The following RPH3A variants were observed in gnomAD, a reference collection of about 807,000 sequenced individuals.
The protein encoded by RPH3A is rabphilin 3A.
A neutral mutation model predicts 102.2 loss-of-function variants in RPH3A; 48 were observed. The observed-to-expected ratio is 0.47, with a 90% CI of 0.37 to 0.60. The LOEUF (loss-of-function observed/expected upper bound fraction) is 0.60. RPH3A is among the 20% of genes least tolerant of loss of function. The probability of loss-of-function intolerance (pLI) is 0.00; values close to 1 mark genes in which losing one functional copy is unlikely to be tolerated. For synonymous variants in RPH3A, 310 were observed against 324.3 expected, an observed-to-expected ratio of 0.96 and a Z score of 0.47; for missense variants, 781 against 910.1, an observed-to-expected ratio of 0.86 and a Z score of 1.83.
rs75023567 is a variant in RPH3A at position 112,853,079 on chromosome 12, C to T, written c.230+5237C>T. 1.8e-4 allele frequency among the ~76,000 whole-genome samples: 28 copies of T among 152,352 alleles called. No individual in the cohort carries two copies. In the East Asian group the frequency reaches 3.3e-3, roughly 18 times the overall value. The stretch of plus-strand genomic sequence containing the variant: ...ACAGGATCTGTCACACCCCTATCAC[C>T]TTCCCATCTTGATTCCACCTTCCCC... On this transcript the variant is annotated intron_variant, in intron 5 of 21. Coordinates refer to ENST00000389385, the MANE Select transcript of RPH3A (RefSeq NM_001143854.2).
At chr12:112,738,018 C>T (rs1306978872) in intron 1 of RPH3A, among the ~76,000 whole-genome samples, 1 of 152,206 alleles carries the variant, frequency 6.6e-6, no homozygotes, top group African/African-American at 2.4e-5. Flanking sequence ...TGTGCTCCCT[C>T]TGAGACTTTG....
chr12:112,721,620 C>A (rs1592962708), intron 1 of RPH3A, among the ~76,000 whole-genome samples: 1 of 149,360 alleles, frequency 6.7e-6, no homozygotes, highest in East Asian at 1.9e-4. Flanking sequence ...TATTATAGAG[C>A]AGTAAGATTA....
intron 16 of RPH3A, among the ~76,000 whole-genome samples, chr12:112,885,410 G>A (rs541187425): frequency 9.9e-5 from 15 of 152,144 alleles, no homozygotes; most frequent in East Asian, 3.8e-4. Context: ...CTGGTGTTGC[G>A]TTGTGGTTCC....
chr12:112,866,304 T>C (rs191700814), intron 6 of RPH3A, among the ~76,000 whole-genome samples: 6 of 152,132 alleles, frequency 3.9e-5, no homozygotes, highest in African/African-American at 7.2e-5. Context: ...GGAAATTCAA[T>C]AAAAAATACA....
At chr12:112,762,364 G>C (rs1171873430) in intron 1 of RPH3A, among the ~76,000 whole-genome samples, 3 of 152,088 alleles carry the variant, frequency 2.0e-5, no homozygotes, top group Non-Finnish European at 2.9e-5. Context: ...GGGATCTTTA[G>C]GTTCACATTG....
chr12:112,765,666 A>G (rs111300176), intron 1 of RPH3A, among the ~76,000 whole-genome samples: 138 of 152,348 alleles, frequency 9.1e-4, no homozygotes, highest in African/African-American at 3.2e-3. Context: ...TGTTCAATGT[A>G]CTGCTTCATG....
chr12:112,713,006 TCTTCCTCTTCCTCTTCC>T lies in RPH3A; in HGVS notation c.-139-79136_-139-79120del, dbSNP rs879356979. 7.6e-3 allele frequency among the ~76,000 whole-genome samples: 577 copies of T among 75,616 alleles called. 24 individuals carry two copies. The highest frequency in any genetic ancestry group is 8.5e-3 in the African/African-American group (144 of 16,946). 49.6% of individuals were successfully genotyped at this position (75,616 alleles called of 152,430 possible). ...TTCGTCGTCTTTGTCTTCCTCTTCC[TCTTCCTCTTCCTCTTCC>T]TCTTCTTCTTCTTCTTCTTCTTCTT... On this transcript the variant is annotated intron_variant, in intron 1 of 21. Transcript: ENST00000543106.
intron 1 of RPH3A, among the ~76,000 whole-genome samples, chr12:112,769,312 T>C (rs1316339032): frequency 1.3e-5 from 2 of 152,216 alleles, no homozygotes; most frequent in African/African-American, 4.8e-5. Context: ...GTTTTTCTTG[T>C]GGTGTAATTA....
At chr12:112,825,613 C>G (rs973164122) in intron 2 of RPH3A, among the ~76,000 whole-genome samples, 2 of 152,176 alleles carry the variant, frequency 1.3e-5, no homozygotes, top group African/African-American at 4.8e-5. Context: ...CTGAGTTGAG[C>G]CGCACTGACA....
chr12:112,876,091 G>A (rs1211788226), intron 12 of RPH3A, among the ~76,000 whole-genome samples: 1 of 152,230 alleles, frequency 6.6e-6, no homozygotes, highest in Non-Finnish European at 1.5e-5. Context: ...TTGTTGGGAG[G>A]ATTAAACAAA....
intron 10 of RPH3A, among the ~76,000 whole-genome samples, chr12:112,870,610 C>G (rs1052446117): frequency 3.3e-5 from 5 of 152,110 alleles, no homozygotes; most frequent in African/African-American, 1.2e-4. Flanking sequence ...TTCCATGGCC[C>G]CTTGTCTGAG....
chr12:112,613,000 A>AATG (rs2039650861), intron 1 of RPH3A, among the ~76,000 whole-genome samples: 3 of 152,242 alleles, frequency 2.0e-5, no homozygotes, highest in African/African-American at 4.8e-5. Flanking sequence ...TAATAATGAT[A>AATG]ATGATGATGA....
rs536182665 is a variant in RPH3A at position 112,642,919 on chromosome 12, G to A, written c.-140+67600G>A. On this transcript the variant is annotated intron_variant, in intron 1 of 21. Transcript: ENST00000543106. ...CAAGGTCTGGAGATACTTTTTGGTT[G>A]TCTCAAATATGGGTGCTACTGGCGT... is the stretch of plus-strand genomic sequence containing the variant. Among the ~76,000 whole-genome samples, 4 of 152,262 alleles carry A rather than the reference G, an allele frequency of 2.6e-5. No homozygotes were observed. In the South Asian group the frequency reaches 8.3e-4, roughly 32 times the overall value.
At position 112,866,679 on chromosome 12, in the gene RPH3A, G is replaced by C. The variant is rs2042616083; in HGVS notation, c.361-78G>C. On this transcript the variant is annotated intron_variant, in intron 6 of 21. Coordinates refer to ENST00000389385, the MANE Select transcript of RPH3A (RefSeq NM_001143854.2). ...AGTTCTTCCTCTTTACATCCACCAAGAGAAAGTGGGGGGCTACGTTGCCAT... is the reference window on the plus strand; with the variant it reads ...AGTTCTTCCTCTTTACATCCACCAACAGAAAGTGGGGGGCTACGTTGCCAT... The C allele has an allele frequency of 5.8e-6, 7 of 1,203,586 alleles. No individual in the cohort carries two copies. In the South Asian group the frequency reaches 9.0e-5, roughly 15 times the overall value. The allele number at this position is 1,203,586 out of a possible 1,614,324, so 74.6% of individuals were successfully genotyped here.
chr12:112,655,243 G>T (rs2040002614), intron 1 of RPH3A, among the ~76,000 whole-genome samples: 1 of 152,224 alleles, frequency 6.6e-6, no homozygotes. Context: ...GGGAAGATTT[G>T]CTCTGGCAAG....
chr12:112,673,807 C>A (rs1381427242), intron 1 of RPH3A, among the ~76,000 whole-genome samples: 1 of 151,974 alleles, frequency 6.6e-6, no homozygotes, highest in Admixed American at 6.6e-5. Context: ...TACCCATTAA[C>A]CATCCCTACT....
intron 2 of RPH3A, among the ~76,000 whole-genome samples, chr12:112,810,420 A>G (rs1363299389): frequency 6.6e-6 from 1 of 152,206 alleles, no homozygotes; most frequent in African/African-American, 2.4e-5. Flanking sequence ...CAATACACTT[A>G]TAAACCCATT....
chr12:112,819,190 C>T (rs1392512964), intron 2 of RPH3A, among the ~76,000 whole-genome samples: 1 of 152,028 alleles, frequency 6.6e-6, no homozygotes, highest in Non-Finnish European at 1.5e-5. Context: ...ACTGCAACCT[C>T]CACCTCCTGG....
At chr12:112,675,126 A>G (rs1032733587) in intron 1 of RPH3A, among the ~76,000 whole-genome samples, 5 of 151,968 alleles carry the variant, frequency 3.3e-5, no homozygotes, top group Non-Finnish European at 7.4e-5. Context: ...CATGTGTCTA[A>G]AGTTTTATTA....
Sources: gnomAD v4.1 joint callset for allele counts (sites outside exome capture counted in the v4.1 genomes callset) on GRCh38, gnomAD v4.1.1 for gene constraint, MANE v1.5 for transcripts, NCBI Gene and HGNC (gene_info 2026-07-23, HGNC 2026-07-21) for gene names.